SLC5A4: variants seen among roughly 807,000 people sequenced by gnomAD.
The protein encoded by SLC5A4 is solute carrier family 5 member 4, also known as probable glucose sensor protein SLC5A4.
A neutral mutation model predicts 70.3 loss-of-function variants in SLC5A4; 55 were observed. That is an observed-to-expected ratio of 0.78 (90% CI 0.63 to 0.98). The LOEUF (loss-of-function observed/expected upper bound fraction) is 0.98, where lower values mean the gene tolerates loss of function less well. Ranked by LOEUF, SLC5A4 falls within the 50% of genes least tolerant of loss-of-function variation. SLC5A4 has a pLI of 0.00. For missense variants in SLC5A4, 735 were observed against 839.2 expected (o/e 0.88, Z 1.53); for synonymous variants, 268 against 305.7 (o/e 0.88, Z 1.29).
chr22:32,321,370 C>T, the SLC5A4 span, among the ~76,000 whole-genome samples: 2 of 151,886 alleles, frequency 1.3e-5, no homozygotes, highest in African/African-American at 2.4e-5. Context: ...GAAAATCACT[C>T]GAATCCAGGG....
chr22:32,263,732 A>G, the SLC5A4 span, among the ~76,000 whole-genome samples: 1 of 152,232 alleles, frequency 6.6e-6, no homozygotes, highest in Admixed American at 6.5e-5. Flanking sequence ...TCATTCTACT[A>G]TAAAGACACA....
At chr22:32,270,090 G>T in the SLC5A4 span, 2 of 506,750 alleles carry the variant, frequency 3.9e-6, no homozygotes, top group Non-Finnish European at 7.6e-6. Context: ...TGGACACATG[G>T]CCAGCTGGTC....
chr22:32,295,735 C>T, the SLC5A4 span, among the ~76,000 whole-genome samples: 1 of 88,996 alleles, frequency 1.1e-5, no homozygotes. Context: ...CTTGCCCATG[C>T]CTATGTCCTG....
chr22:32,349,922 A>G, the SLC5A4 span, among the ~76,000 whole-genome samples: 1 of 152,176 alleles, frequency 6.6e-6, no homozygotes, highest in Admixed American at 6.5e-5. Flanking sequence ...TCTTTACCAT[A>G]AATACACCTT....
chr22:32,241,482 A>G (rs527564938), intron 5 of SLC5A4, among the ~76,000 whole-genome samples: 1 of 152,310 alleles, frequency 6.6e-6, no homozygotes, highest in South Asian at 2.1e-4. Context: ...CTGAATTCAT[A>G]GTTTGTTTTT....
chr22:32,340,404 T>A, the SLC5A4 span, among the ~76,000 whole-genome samples: 1 of 152,204 alleles, frequency 6.6e-6, no homozygotes, highest in East Asian at 1.9e-4. Flanking sequence ...CACTGTTCTA[T>A]ATGCTGGGGT....
the SLC5A4 span, among the ~76,000 whole-genome samples, chr22:32,334,513 T>G: frequency 6.6e-6 from 1 of 152,220 alleles, no homozygotes; most frequent in Non-Finnish European, 1.5e-5. Flanking sequence ...CGGGCCTCCC[T>G]GCCTCCATTC....
At chr22:32,300,360 G>A in the SLC5A4 span, among the ~76,000 whole-genome samples, 71,505 of 150,196 alleles carry the variant, frequency 0.48, 17,238 homozygotes, top group Admixed American at 0.51. Flanking sequence ...ATAATCTCGT[G>A]GTGCACCGTT....
chr22:32,229,687 TG>T lies in SLC5A4; in HGVS notation c.1130-344del, dbSNP rs145941197. Among the ~76,000 whole-genome samples, 1,273 of 152,202 alleles carry T rather than the reference TG, an allele frequency of 8.4e-3. 18 individuals are homozygous for T. The highest frequency in any genetic ancestry group is 0.029 in the African/African-American group (1,222 of 41,528). On this transcript the variant is annotated intron_variant, in intron 10 of 14. Coordinates refer to ENST00000266086, the MANE Select transcript of SLC5A4 (RefSeq NM_014227.3). Reference sequence around the variant, plus strand: ...TAGGGGTGGCAGCGGGGATGGTTAATGGGTACAAAAAAGAGAAAGAATGAAT... The same window carrying T: ...TAGGGGTGGCAGCGGGGATGGTTAATGGTACAAAAAAGAGAAAGAATGAAT...
rs758827163 is a variant in SLC5A4, at chr22:32,218,616, C to T, written c.1878G>A (p.Lys626=). 6.2e-7 allele frequency: 1 copy of T among 1,613,804 alleles called. No homozygotes were observed. The highest frequency in any genetic ancestry group is 8.5e-7 in the Non-Finnish European group (1 of 1,179,906). Residue 626 remains lysine (K), a synonymous_variant, in exon 15 of 15, where the codon AAG becomes AAA. Coordinates refer to ENST00000266086, the MANE Select transcript of SLC5A4 (RefSeq NM_014227.3). The part of the protein sequence containing the change: ...TKEEEEALSK[K]LTDTSERPSW... ...AGGGCCTCTCAGACGTGTCTGTGAG[C>T]TTCTTGCTCAAGGCTTCCTCCTCCT...
the SLC5A4 span, among the ~76,000 whole-genome samples, chr22:32,331,425 C>G: frequency 6.6e-6 from 1 of 152,120 alleles, no homozygotes; most frequent in Non-Finnish European, 1.5e-5. Flanking sequence ...CCAGTCAGCT[C>G]CCCTGGTCTC....
At chr22:32,272,212 G>A in the SLC5A4 span, 851 of 763,214 alleles carry the variant, frequency 1.1e-3, 7 homozygotes, top group Middle Eastern at 9.1e-3. Context: ...TCCTGAGGGC[G>A]GATCTTGATC....
intron 10 of SLC5A4, 132 bp downstream of exon 10, chr22:32,230,836 T>C (rs889102086): frequency 7.4e-5 from 47 of 632,354 alleles, no homozygotes; most frequent in Admixed American, 6.5e-4. Flanking sequence ...TGGTAACCTG[T>C]AGAAGGTGCT....
the SLC5A4 span, among the ~76,000 whole-genome samples, chr22:32,325,534 G>T: frequency 1.3e-5 from 2 of 152,258 alleles, no homozygotes; most frequent in East Asian, 1.9e-4. Flanking sequence ...GCAGGGGTGA[G>T]TATGGAGAGG....
the SLC5A4 span, among the ~76,000 whole-genome samples, chr22:32,317,776 G>A: frequency 2.0e-5 from 3 of 152,136 alleles, no homozygotes; most frequent in Non-Finnish European, 4.4e-5. Context: ...CCAACTACTC[G>A]TTCTTTGAAA....
At chr22:32,325,623 A>T in the SLC5A4 span, among the ~76,000 whole-genome samples, 3 of 152,232 alleles carry the variant, frequency 2.0e-5, no homozygotes, top group Non-Finnish European at 4.4e-5. Context: ...ATAGAAGATC[A>T]TTCCTAATTC....
At chr22:32,253,785 CTT>C (rs112881344) in intron 2 of SLC5A4, among the ~76,000 whole-genome samples, 2 of 147,014 alleles carry the variant, frequency 1.4e-5, no homozygotes. Flanking sequence ...TCTACATTCA[CTT>C]TTTTTTTTTT....
chr22:32,349,387 T>C, the SLC5A4 span, among the ~76,000 whole-genome samples: 2 of 152,210 alleles, frequency 1.3e-5, no homozygotes, highest in African/African-American at 4.8e-5. Context: ...GCAGATAAAG[T>C]CAACTCTTTC....
the SLC5A4 span, among the ~76,000 whole-genome samples, chr22:32,330,865 TGGAGG>T: frequency 6.3e-5 from 6 of 95,576 alleles, no homozygotes; most frequent in Non-Finnish European, 1.0e-4. Context: ...GTGTAGGTGT[TGGAGG>T]GTCTGCTGTG....
Sources: allele counts gnomAD v4.1 joint callset (sites outside exome capture counted in the v4.1 genomes callset), GRCh38; gene constraint gnomAD v4.1.1; transcripts MANE v1.5; gene names NCBI Gene and HGNC (gene_info 2026-07-23, HGNC 2026-07-21).